Variants in LPAR1 observed in about 807,000 individuals in gnomAD.
LPAR1 encodes lysophosphatidic acid receptor 1, also known as LPA receptor 1.
Under a neutral mutation model 23.8 loss-of-function variants are expected in LPAR1, and 5 were observed. The ratio of observed to expected loss-of-function variants is 0.21; its 90% CI spans 0.11 to 0.44. The LOEUF is 0.44. LPAR1 is among the 20% of genes least tolerant of loss of function. LPAR1 has a pLI of 0.99. For synonymous variants in LPAR1, 160 were observed against 164.7 expected (o/e 0.97, Z 0.22); for missense variants, 311 against 482.8 (o/e 0.64, Z 3.33).
At chr9:110,906,941 G>GT (rs879810060) in intron 5 of LPAR1, among the ~76,000 whole-genome samples, 5,672 of 152,102 alleles carry the variant, frequency 0.037, 172 homozygotes, top group Non-Finnish European at 0.046. Flanking sequence ...TGATGCAAAA[G>GT]GGATTCAGAT....
At chr9:111,020,861 C>T (rs1306021401) in intron 2 of LPAR1, among the ~76,000 whole-genome samples, 1 of 152,082 alleles carries the variant, frequency 6.6e-6, no homozygotes, top group Non-Finnish European at 1.5e-5. Context: ...TGAATCAGCA[C>T]CAAAACACAC....
chr9:111,019,782 T>C (rs1240289078), intron 2 of LPAR1, among the ~76,000 whole-genome samples: 1 of 152,010 alleles, frequency 6.6e-6, no homozygotes, highest in Non-Finnish European at 1.5e-5. Flanking sequence ...GAGGTGGAGA[T>C]TGCAGTGAGC....
intron 5 of LPAR1, among the ~76,000 whole-genome samples, chr9:110,925,677 A>C (rs1362573619): frequency 6.6e-6 from 1 of 152,202 alleles, no homozygotes; most frequent in Non-Finnish European, 1.5e-5. Flanking sequence ...TCCAACCACT[A>C]ATCACAGCAG....
intron 5 of LPAR1, among the ~76,000 whole-genome samples, chr9:110,926,841 A>T (rs1031748540): frequency 2.0e-5 from 3 of 152,192 alleles, no homozygotes; most frequent in Non-Finnish European, 4.4e-5. Flanking sequence ...AAAGGTGAAA[A>T]GGGTTTTAAA....
intron 5 of LPAR1, among the ~76,000 whole-genome samples, chr9:110,924,757 C>T (rs1439523749): frequency 6.6e-6 from 1 of 152,128 alleles, no homozygotes; most frequent in Non-Finnish European, 1.5e-5. Context: ...ATTCCCTAAA[C>T]ATCACCTGTA....
chr9:110,915,437 T>G (rs1268335629), intron 5 of LPAR1, among the ~76,000 whole-genome samples: 1 of 152,074 alleles, frequency 6.6e-6, no homozygotes, highest in Admixed American at 6.5e-5. Context: ...CTTGGAAGGC[T>G]GATGCAGAAG....
intron 2 of LPAR1, among the ~76,000 whole-genome samples, chr9:111,020,157 G>A (rs2097536354): frequency 6.6e-6 from 1 of 152,300 alleles, no homozygotes; most frequent in East Asian, 1.9e-4. Context: ...CAGCTACACT[G>A]GGGGTTAGGG....
At chr9:110,971,371 T>C (rs1029897165) in intron 4 of LPAR1, among the ~76,000 whole-genome samples, 1 of 152,138 alleles carries the variant, frequency 6.6e-6, no homozygotes, top group African/African-American at 2.4e-5. Flanking sequence ...GGGCTCTTTA[T>C]CCTGCAATCA....
At chr9:110,910,746 C>A (rs531731726) in intron 5 of LPAR1, among the ~76,000 whole-genome samples, 2 of 152,178 alleles carry the variant, frequency 1.3e-5, no homozygotes, top group East Asian at 1.9e-4. Flanking sequence ...TCATTCCAAC[C>A]CTCATGGATG....
rs548208099 is a variant in LPAR1 at position 110,882,652 on chromosome 9, T to C, written c.794-6930A>G. Among the ~76,000 whole-genome samples the C allele has an allele frequency of 1.4e-4, 22 of 152,258 alleles. No homozygotes were observed. In the East Asian group the frequency reaches 2.3e-3, roughly 16 times the overall value. ...TTTTTTAAATGAGTGCACAGATACA[T>C]AATAAAAGTGCAAGCACATGAATGA... On this transcript the variant is annotated intron_variant, in intron 5 of 5. Transcript: ENST00000683809.
At chr9:111,014,850 C>T (rs2097408075) in intron 2 of LPAR1, among the ~76,000 whole-genome samples, 1 of 152,026 alleles carries the variant, frequency 6.6e-6, no homozygotes, top group South Asian at 2.1e-4. Context: ...ACTCTTCATC[C>T]TTCCTGTTCT....
At chr9:110,908,109 G>A (rs2091685945) in intron 5 of LPAR1, among the ~76,000 whole-genome samples, 1 of 151,380 alleles carries the variant, frequency 6.6e-6, no homozygotes, top group African/African-American at 2.4e-5. Flanking sequence ...TAATCAGTGT[G>A]TTTTTCTTTT....
At chr9:110,969,956 T>G (rs901164938) in intron 4 of LPAR1, among the ~76,000 whole-genome samples, 1 of 152,196 alleles carries the variant, frequency 6.6e-6, no homozygotes, top group African/African-American at 2.4e-5. Flanking sequence ...ATAATTTTAA[T>G]AGATACTGTT....
chr9:110,943,894 A>T (rs541304428), intron 4 of LPAR1, among the ~76,000 whole-genome samples: 1 of 151,236 alleles, frequency 6.6e-6, no homozygotes, highest in Admixed American at 6.6e-5. Context: ...GACAAAGTTG[A>T]TCAAGCTGTT....
chr9:110,883,903 T>C (rs67686996), intron 5 of LPAR1, among the ~76,000 whole-genome samples: 20,764 of 152,012 alleles, frequency 0.14, 1,721 homozygotes, highest in East Asian at 0.47. Flanking sequence ...AGGTGGCACA[T>C]TGTTTCTTCT....
intron 2 of LPAR1, among the ~76,000 whole-genome samples, chr9:111,008,899 T>C (rs572932166): frequency 6.6e-6 from 1 of 152,152 alleles, no homozygotes; most frequent in African/African-American, 2.4e-5. Flanking sequence ...TCTCAAAGAA[T>C]TCCCAGAGAA....
chr9:110,982,547 G>A (rs2096691583), intron 2 of LPAR1, among the ~76,000 whole-genome samples: 1 of 151,922 alleles, frequency 6.6e-6, no homozygotes, highest in Non-Finnish European at 1.5e-5. Flanking sequence ...GATGGATGCA[G>A]CAAACCAACA....
At position 110,902,418 on chromosome 9, in the gene LPAR1, G is replaced by A. The variant is rs573814605; in HGVS notation, c.794-26696C>T. Among the ~76,000 whole-genome samples, 43 of 152,114 alleles carry A rather than the reference G, an allele frequency of 2.8e-4. No individual in the cohort carries two copies. In the South Asian group the frequency reaches 8.1e-3, roughly 29 times the overall value. On this transcript the variant is annotated intron_variant, in intron 5 of 5. Coordinates refer to ENST00000683809, the MANE Select transcript of LPAR1 (RefSeq NM_001351411.2). ...TAGTAAGTTATCACGACATCTGATG[G>A]GTTTATAAGGGGCTTTTCCCACTTT...
chr9:110,904,788 A>C (rs1005232661), intron 5 of LPAR1, among the ~76,000 whole-genome samples: 3 of 152,234 alleles, frequency 2.0e-5, no homozygotes, highest in African/African-American at 4.8e-5. Flanking sequence ...AATTCTATAC[A>C]TTATTACAGG....
Sources: allele counts gnomAD v4.1 joint callset (sites outside exome capture counted in the v4.1 genomes callset), GRCh38; gene constraint gnomAD v4.1.1; transcripts MANE v1.5; gene names NCBI Gene and HGNC (gene_info 2026-07-23, HGNC 2026-07-21).